Variants in KLHL24 observed in about 807,000 individuals in gnomAD.
KLHL24 encodes kelch like family member 24, also known as kelch-like protein 24.
In KLHL24, 29 loss-of-function variants were observed where a neutral mutation model predicts 53.4. The ratio of observed to expected loss-of-function variants is 0.54; its 90% confidence interval spans 0.40 to 0.74. KLHL24 has a LOEUF of 0.74. Ranked by LOEUF, KLHL24 falls within the 30% of genes least tolerant of loss-of-function variation. The pLI is 0.00. For missense variants in KLHL24, 504 were observed against 744.0 expected (o/e 0.68, Z 3.75); for synonymous variants, 222 against 253.7 (o/e 0.88, Z 1.19).
At chr3:183,659,133 A>G (rs1420513686) in intron 3 of KLHL24, among the ~76,000 whole-genome samples, 2 of 132,738 alleles carry the variant, frequency 1.5e-5, no homozygotes, top group Non-Finnish European at 3.2e-5. Flanking sequence ...AGCCATTTGT[A>G]GGTTGTTGAT....
At chr3:183,655,662 C>T (rs1259784865) in intron 3 of KLHL24, among the ~76,000 whole-genome samples, 1 of 151,956 alleles carries the variant, frequency 6.6e-6, no homozygotes, top group Non-Finnish European at 1.5e-5. Flanking sequence ...CAGTGTCTCA[C>T]ACCTGTAATC....
chr3:183,642,059 C>G (rs902763238), intron 1 of KLHL24, among the ~76,000 whole-genome samples: 1 of 152,108 alleles, frequency 6.6e-6, no homozygotes, highest in Non-Finnish European at 1.5e-5. Context: ...ATTTTAGTAC[C>G]AATCTTGGAG....
Position 183,682,952 on chromosome 3 carries a change from TG to T in KLHL24, c.*3670del, listed in dbSNP as rs200270060. On this transcript the variant is annotated 3_prime_UTR_variant, in exon 8 of 8. Transcript: ENST00000242810. Reference sequence around the variant, plus strand: ...TATTTTTTTCGTTTTTTTTTTTTTTTGGGGAAGGGGGGAGAACGGGGTCTTG... The same window carrying T: ...TATTTTTTTCGTTTTTTTTTTTTTTTGGGAAGGGGGGAGAACGGGGTCTTG... The T allele has an allele frequency of 0.042, 6,193 of 148,166 alleles. 373 individuals carry two copies. Among genetic ancestry groups the T allele is most frequent in the East Asian group, 0.14 (700 of 4,976 alleles). The allele number at this position is 148,166 out of a possible 1,614,324, so 9.2% of individuals were successfully genotyped here.
intron 1 of KLHL24, among the ~76,000 whole-genome samples, chr3:183,640,940 G>C (rs1169209905): frequency 6.6e-6 from 1 of 152,012 alleles, no homozygotes; most frequent in Non-Finnish European, 1.5e-5. Context: ...GGTCTTGGTG[G>C]TTCCATTAAG....
intron 2 of KLHL24, among the ~76,000 whole-genome samples, chr3:183,645,848 G>C (rs911366291): frequency 6.6e-6 from 1 of 152,072 alleles, no homozygotes; most frequent in Non-Finnish European, 1.5e-5. Context: ...AAATTTGTGG[G>C]AGTTACTTTG....
At position 183,637,569 on chromosome 3, in the gene KLHL24, CTTGAG is replaced by C. The variant is rs1211475082; in HGVS notation, c.-125+1779_-125+1783del. ...GTGTTGAAAATGGTTTTTCTAATCGCTTGAGTTAATAGGGTATTTGCGTTTTGTCA... is the reference window on the plus strand; with the variant it reads ...GTGTTGAAAATGGTTTTTCTAATCGCTTAATAGGGTATTTGCGTTTTGTCA... On this transcript the variant is annotated intron_variant, in intron 1 of 7. Transcript: ENST00000242810. 9.9e-5 allele frequency among the ~76,000 whole-genome samples: 15 copies of C among 152,256 alleles called. No individual in the cohort carries two copies. In the East Asian group the frequency reaches 2.9e-3, roughly 29 times the overall value.
chr3:183,655,465 A>C (rs1215430826), intron 3 of KLHL24, among the ~76,000 whole-genome samples: 1 of 151,922 alleles, frequency 6.6e-6, no homozygotes, highest in Non-Finnish European at 1.5e-5. Context: ...GTTCCTACAG[A>C]AAAAAAAGAA....
rs755600519 is a variant in KLHL24 at position 183,661,064 on chromosome 3, C to CAA, written c.921-2372_921-2371dup. Reference sequence around the variant, plus strand: ...TGGGCGACAGAGCGAGACTCCGTCTCAAAAAAAAAAAAAAAAAAAAAAATT... The same window carrying CAA: ...TGGGCGACAGAGCGAGACTCCGTCTCAAAAAAAAAAAAAAAAAAAAAAAAATT... On this transcript the variant is annotated intron_variant, in intron 3 of 7. Coordinates refer to ENST00000242810, the MANE Select transcript of KLHL24 (RefSeq NM_017644.3). Among the ~76,000 whole-genome samples, 50 of 27,600 alleles carry CAA rather than the reference C, an allele frequency of 1.8e-3. 1 individual carries two copies. The highest frequency in any genetic ancestry group is 4.0e-3 in the East Asian group (3 of 750). 18.1% of individuals were successfully genotyped at this position (27,600 alleles called of 152,430 possible).
chr3:183,648,914 A>C (rs1717713322), intron 2 of KLHL24, among the ~76,000 whole-genome samples: 1 of 152,100 alleles, frequency 6.6e-6, no homozygotes, highest in African/African-American at 2.4e-5. Context: ...GAGGTAGCAG[A>C]ATCCCTTGAA....
intron 7 of KLHL24, among the ~76,000 whole-genome samples, chr3:183,677,327 T>A (rs1227814177): frequency 6.6e-6 from 1 of 152,208 alleles, no homozygotes; most frequent in Non-Finnish European, 1.5e-5. Flanking sequence ...TTGAAGAATT[T>A]ATAGAAAGCG....
intron 2 of KLHL24, among the ~76,000 whole-genome samples, chr3:183,646,051 T>TG (rs34997108): frequency 0.23 from 34,146 of 148,432 alleles, 4,671 homozygotes; most frequent in African/African-American, 0.4. Flanking sequence ...GGGTTTTTTG[T>TG]TTTGTTTTTT....
At chr3:183,656,125 A>G (rs1718854941) in intron 3 of KLHL24, among the ~76,000 whole-genome samples, 1 of 131,586 alleles carries the variant, frequency 7.6e-6, no homozygotes, top group South Asian at 2.3e-4. Flanking sequence ...TGGCTCACTG[A>G]GCCTAGGCTC....
intron 5 of KLHL24, among the ~76,000 whole-genome samples, chr3:183,669,070 C>G (rs978280916): frequency 1.3e-5 from 2 of 151,972 alleles, no homozygotes; most frequent in Non-Finnish European, 2.9e-5. Context: ...AATCTAGAGG[C>G]CTTTTGTCTT....
At chr3:183,638,939 G>A (rs1446714610) in intron 1 of KLHL24, among the ~76,000 whole-genome samples, 2 of 152,186 alleles carry the variant, frequency 1.3e-5, no homozygotes, top group African/African-American at 2.4e-5. Context: ...GGTGGCTCAC[G>A]CCTGTAATCT....
intron 2 of KLHL24, among the ~76,000 whole-genome samples, chr3:183,647,804 G>T (rs1352507137): frequency 6.6e-6 from 1 of 152,052 alleles, no homozygotes; most frequent in African/African-American, 2.4e-5. Context: ...AGGAGTTCAA[G>T]ACCAGCCTAG....
Position 183,679,450 on chromosome 3 carries a change from A to C in KLHL24, c.*164A>C, listed in dbSNP as rs1051994779. ...AAATATCAATCTTTCAAACTATAAT[A>C]AAGCCTTTCCTATAATTGAAAAAAA... On this transcript the variant is annotated 3_prime_UTR_variant, in exon 8 of 8. Transcript: ENST00000242810. The C allele has an allele frequency of 1.7e-5, 10 of 602,640 alleles. No individual in the cohort carries two copies. In the African/African-American group the frequency reaches 1.7e-4, roughly 10 times the overall value. The allele number at this position is 602,640 out of a possible 1,614,324, so 37.3% of individuals were successfully genotyped here.
chr3:183,667,380 G>A (rs971153887), intron 5 of KLHL24, among the ~76,000 whole-genome samples: 18 of 152,168 alleles, frequency 1.2e-4, no homozygotes, highest in Non-Finnish European at 1.9e-4. Flanking sequence ...TGCAGTCAGC[G>A]TTCTGTTAGG....
At chr3:183,658,518 T>C (rs1464674995) in intron 3 of KLHL24, among the ~76,000 whole-genome samples, 2 of 152,224 alleles carry the variant, frequency 1.3e-5, no homozygotes, top group Non-Finnish European at 1.5e-5. Flanking sequence ...CCATTGCAAG[T>C]GATACTTAGT....
chr3:183,664,961 A>G lies in KLHL24; in HGVS notation c.1146A>G (p.Ser382=). ...GCCGTGATGTCTGGATTTATAACTC[A>G]CAGTTAAATATTTGGATCAGAGTTG... The part of the protein sequence containing the change: ...INSRDVWIYN[S]QLNIWIRVAS... The change falls in exon 5 of 8, where the codon TCA becomes TCG. Residue 382 remains serine (S), a synonymous_variant. Transcript: ENST00000242810. 1 of 1,612,426 alleles carries G rather than the reference A, an allele frequency of 6.2e-7. No individual in the cohort carries two copies. The highest frequency in any genetic ancestry group is 8.5e-7 in the Non-Finnish European group (1 of 1,178,790).
Sources: allele counts gnomAD v4.1 joint callset (sites outside exome capture counted in the v4.1 genomes callset), GRCh38; gene constraint gnomAD v4.1.1; transcripts MANE v1.5; gene names NCBI Gene and HGNC (gene_info 2026-07-23, HGNC 2026-07-21).